Variants in CAMKMT observed in about 807,000 individuals in gnomAD.
CAMKMT encodes the protein calmodulin-lysine N-methyltransferase.
In CAMKMT, 53 loss-of-function variants were observed where a neutral mutation model predicts 48.0. The observed-to-expected ratio is 1.10, with a 90% CI of 0.89 to 1.39. The LOEUF is 1.39. CAMKMT is among the 40% of genes most tolerant of loss of function. The probability of loss-of-function intolerance (pLI) is 0.00; values close to 1 mark genes in which losing one functional copy is unlikely to be tolerated. For synonymous variants in CAMKMT, 165 were observed against 152.3 expected (o/e 1.08, Z -0.61); for missense variants, 428 against 402.7 (o/e 1.06, Z -0.54).
intron 3 of CAMKMT, among the ~76,000 whole-genome samples, chr2:44,651,990 G>A (rs539942558): frequency 1.3e-5 from 2 of 152,160 alleles, no homozygotes; most frequent in Non-Finnish European, 2.9e-5. Context: ...TTTGAAGAAA[G>A]CTTTTTAATA....
intron 3 of CAMKMT, among the ~76,000 whole-genome samples, chr2:44,491,197 G>A (rs1558654042): frequency 6.6e-6 from 1 of 150,682 alleles, no homozygotes; most frequent in Non-Finnish European, 1.5e-5. Flanking sequence ...TCCAGAGATT[G>A]TGACAAACTC....
intron 3 of CAMKMT, among the ~76,000 whole-genome samples, chr2:44,397,854 T>C (rs772568084): frequency 1.3e-5 from 2 of 152,208 alleles, no homozygotes; most frequent in Non-Finnish European, 2.9e-5. Flanking sequence ...AACCCTATAA[T>C]CCTTTGTAGA....
At chr2:44,421,731 C>G (rs1466333443) in intron 3 of CAMKMT, among the ~76,000 whole-genome samples, 1 of 152,096 alleles carries the variant, frequency 6.6e-6, no homozygotes, top group Admixed American at 6.5e-5. Context: ...ACAGAGAAAA[C>G]TTAGGGTACA....
intron 3 of CAMKMT, among the ~76,000 whole-genome samples, chr2:44,591,362 G>A (rs1293681091): frequency 4.1e-4 from 62 of 152,236 alleles, no homozygotes; most frequent in Non-Finnish European, 7.5e-4. Context: ...CCATTTTCAC[G>A]ATATTGATTC....
intron 3 of CAMKMT, among the ~76,000 whole-genome samples, chr2:44,649,550 A>G (rs1673941365): frequency 6.6e-6 from 1 of 152,150 alleles, no homozygotes; most frequent in Admixed American, 6.5e-5. Context: ...AAGGGAAGAC[A>G]GGCATCTGCT....
At position 44,531,320 on chromosome 2, in the gene CAMKMT, G is replaced by A. The variant is rs1043098051; in HGVS notation, c.376+141015G>A. ...AAATATATGGCTCTACTTACACAAC[G>A]TTTTATGTGGTTTTTCTTTTAAAAA... On this transcript the variant is annotated intron_variant, in intron 3 of 10. Coordinates refer to ENST00000378494, the MANE Select transcript of CAMKMT (RefSeq NM_024766.5). Among the ~76,000 whole-genome samples the A allele has an allele frequency of 4.6e-5, 7 of 151,962 alleles. No homozygotes were observed. The East Asian group carries it at 7.7e-4, about 17-fold the overall frequency.
intron 3 of CAMKMT, among the ~76,000 whole-genome samples, chr2:44,454,993 A>G (rs997252188): frequency 6.6e-6 from 1 of 152,090 alleles, no homozygotes; most frequent in African/African-American, 2.4e-5. Flanking sequence ...TAATTTACCC[A>G]TGGATAGAGG....
intron 3 of CAMKMT, among the ~76,000 whole-genome samples, chr2:44,450,526 T>A (rs1378684420): frequency 6.6e-6 from 1 of 152,120 alleles, no homozygotes; most frequent in East Asian, 1.9e-4. Flanking sequence ...TTAAACATAG[T>A]TTATGGTGAT....
At chr2:44,567,298 C>A (rs939216493) in intron 3 of CAMKMT, among the ~76,000 whole-genome samples, 2 of 152,076 alleles carry the variant, frequency 1.3e-5, no homozygotes, top group Admixed American at 1.3e-4. Flanking sequence ...GCAACCCGAC[C>A]ATCAGTCAGT....
chr2:44,719,220 T>G (rs1353332815), intron 7 of CAMKMT, among the ~76,000 whole-genome samples: 2 of 152,184 alleles, frequency 1.3e-5, no homozygotes. Flanking sequence ...ATCTAAATCC[T>G]TCCTTCTAGG....
At chr2:44,613,682 C>G (rs1203531203) in intron 3 of CAMKMT, among the ~76,000 whole-genome samples, 1 of 152,166 alleles carries the variant, frequency 6.6e-6, no homozygotes, top group South Asian at 2.1e-4. Context: ...CTAAGTACTT[C>G]TCATATATCA....
At chr2:44,594,645 T>C (rs976891890) in intron 3 of CAMKMT, among the ~76,000 whole-genome samples, 1 of 152,102 alleles carries the variant, frequency 6.6e-6, no homozygotes, top group African/African-American at 2.4e-5. Flanking sequence ...TCCTTACACC[T>C]TAGACAAAAA....
chr2:44,451,114 G>GA (rs1003262272), intron 3 of CAMKMT, among the ~76,000 whole-genome samples: 4 of 152,014 alleles, frequency 2.6e-5, no homozygotes, highest in African/African-American at 9.7e-5. Flanking sequence ...TAAAATAAGT[G>GA]AAAAGCACAA....
intron 3 of CAMKMT, among the ~76,000 whole-genome samples, chr2:44,542,535 A>G (rs113837484): frequency 2.9e-4 from 17 of 59,290 alleles, no homozygotes; most frequent in Non-Finnish European, 9.2e-4. Context: ...ACACACACAC[A>G]CACTCTCTCT....
At position 44,653,189 on chromosome 2, in the gene CAMKMT, C is replaced by T. The variant is rs765799668; in HGVS notation, c.377-51094C>T. 6.6e-6 allele frequency among the ~76,000 whole-genome samples: 1 copy of T among 152,074 alleles called. No individual in the cohort carries two copies. The highest frequency in any genetic ancestry group is 1.5e-5 in the Non-Finnish European group (1 of 68,032). On this transcript the variant is annotated intron_variant, in intron 3 of 10. Transcript: ENST00000378494. The surrounding 1 kb of genome is among the most constrained non-coding windows in gnomAD (Gnocchi z 5.2). ...TTTATTATTTCTCACTTCACTAGCTCGTGAGCTCCTTTAAAGCAAGGGACA... is the reference window on the plus strand; with the variant it reads ...TTTATTATTTCTCACTTCACTAGCTTGTGAGCTCCTTTAAAGCAAGGGACA...
At chr2:44,606,532 A>G (rs1200726293) in intron 3 of CAMKMT, among the ~76,000 whole-genome samples, 1 of 152,188 alleles carries the variant, frequency 6.6e-6, no homozygotes, top group Non-Finnish European at 1.5e-5. Context: ...ATCAGTAGTG[A>G]AATGAGGAAA....
chr2:44,602,380 T>C (rs920642571), intron 3 of CAMKMT, among the ~76,000 whole-genome samples: 1 of 152,112 alleles, frequency 6.6e-6, no homozygotes, highest in Non-Finnish European at 1.5e-5. Flanking sequence ...GAATGCACCA[T>C]AATTTACTCA....
intron 3 of CAMKMT, among the ~76,000 whole-genome samples, chr2:44,425,770 G>A (rs1684236806): frequency 1.4e-5 from 2 of 147,916 alleles, no homozygotes; most frequent in Non-Finnish European, 1.5e-5. Context: ...CACTCTTGTT[G>A]CCCAGGCTGG....
intron 3 of CAMKMT, among the ~76,000 whole-genome samples, chr2:44,571,453 T>C (rs922125654): frequency 2.0e-5 from 3 of 152,220 alleles, no homozygotes; most frequent in Non-Finnish European, 4.4e-5. Flanking sequence ...TTAGTTTAAA[T>C]CTAGTCTGCT....
Sources: gnomAD v4.1 joint callset for allele counts (sites outside exome capture counted in the v4.1 genomes callset) on GRCh38, gnomAD v4.1.1 for gene constraint, Gnocchi (gnomAD v3.1) non-coding constraint, MANE v1.5 for transcripts, NCBI Gene and HGNC (gene_info 2026-07-23, HGNC 2026-07-21) for gene names.